Variants in ASTN1 observed in about 807,000 individuals in gnomAD.
ASTN1 encodes astrotactin-1.
In ASTN1, 41 loss-of-function variants were observed where a neutral mutation model predicts 140.7. The observed-to-expected ratio is 0.29, with a 90% CI of 0.23 to 0.38. ASTN1 has a LOEUF of 0.38. ASTN1 is among the 10% of genes least tolerant of loss of function. The pLI, the probability that ASTN1 is intolerant of heterozygous loss-of-function variation, is 1.00. For missense variants in ASTN1, 1,479 were observed against 1,678.8 expected (o/e 0.88, Z 2.08); for synonymous variants, 640 against 652.2 (o/e 0.98, Z 0.29).
intron 7 of ASTN1, among the ~76,000 whole-genome samples, chr1:177,015,404 C>T (rs943661042): frequency 2.0e-5 from 3 of 152,216 alleles, no homozygotes; most frequent in African/African-American, 7.2e-5. Flanking sequence ...GAGCCTATGT[C>T]TGTCTGACTC....
rs1668011733 is a variant in ASTN1 at position 176,862,852 on chromosome 1, G to C, written c.*1432C>G. On this transcript the variant is annotated 3_prime_UTR_variant, in exon 23 of 23. Transcript: ENST00000361833. ...ACTATTTAGAAAAAAAACCAATATA[G>C]CTCAATGACTAGCCTTATAGGTCTT... 1.0e-6 allele frequency: 1 copy of C among 985,430 alleles called. No individual in the cohort carries two copies. The allele number at this position is 985,430 out of a possible 1,614,324, so 61.0% of individuals were successfully genotyped here. A position where few individuals can be genotyped will look rare whatever the true frequency, so the allele number is the denominator to read the frequency against.
At chr1:176,909,796 A>G (rs1377694531) in intron 16 of ASTN1, among the ~76,000 whole-genome samples, 1 of 152,172 alleles carries the variant, frequency 6.6e-6, no homozygotes, top group Non-Finnish European at 1.5e-5. Context: ...CCTCCTAGGT[A>G]TCAGTAAGAC....
chr1:176,862,628 A>G lies in ASTN1; in HGVS notation c.*1656T>C. Reference sequence around the variant, plus strand: ...GACCAACAGCCTGAAATCACACTGAAACTCAGTGTGAGTTACAGTGCACAA... The same window carrying G: ...GACCAACAGCCTGAAATCACACTGAGACTCAGTGTGAGTTACAGTGCACAA... On this transcript the variant is annotated 3_prime_UTR_variant, in exon 23 of 23. Coordinates refer to ENST00000361833, the MANE Select transcript of ASTN1 (RefSeq NM_004319.3). 1.0e-6 allele frequency: 1 copy of G among 961,140 alleles called. No individual in the cohort carries two copies. The highest frequency in any genetic ancestry group is 4.8e-5 in the South Asian group (1 of 20,820). 59.5% of individuals were successfully genotyped at this position (961,140 alleles called of 1,614,324 possible). A position where few individuals can be genotyped will look rare whatever the true frequency, so the allele number is the denominator to read the frequency against.
chr1:177,130,423 T>C (rs1273839728), intron 1 of ASTN1, among the ~76,000 whole-genome samples: 1 of 152,148 alleles, frequency 6.6e-6, no homozygotes, highest in African/African-American at 2.4e-5. Context: ...GATGACTCTA[T>C]GGTATGAGAG....
At chr1:177,141,148 G>A (rs1373679470) in intron 1 of ASTN1, among the ~76,000 whole-genome samples, 3 of 152,130 alleles carry the variant, frequency 2.0e-5, no homozygotes, top group South Asian at 2.1e-4. Context: ...CCTGGAAGGC[G>A]GAGGTTGCAG....
chr1:177,004,486 A>G (rs1482864783), intron 8 of ASTN1, among the ~76,000 whole-genome samples: 18 of 151,976 alleles, frequency 1.2e-4, no homozygotes, highest in Admixed American at 6.6e-4. Context: ...ATTCATATGG[A>G]ACAACAACAA....
At chr1:177,025,460 T>C (rs546943740) in intron 5 of ASTN1, among the ~76,000 whole-genome samples, 140 of 152,132 alleles carry the variant, frequency 9.2e-4, no homozygotes, top group Non-Finnish European at 1.9e-3. Context: ...TTTTTTTAAT[T>C]TTTTGTTTCT....
chr1:177,124,445 A>T (rs1263413710), intron 1 of ASTN1, among the ~76,000 whole-genome samples: 2 of 152,126 alleles, frequency 1.3e-5, no homozygotes, highest in Non-Finnish European at 2.9e-5. Context: ...ACCAGGAGGG[A>T]TGAGATAAAG....
At chr1:177,160,132 C>T (rs1647271827) in intron 1 of ASTN1, among the ~76,000 whole-genome samples, 1 of 152,086 alleles carries the variant, frequency 6.6e-6, no homozygotes, top group Non-Finnish European at 1.5e-5. Flanking sequence ...ATTTTGAAAA[C>T]TTTTAAGGCA....
chr1:177,078,133 G>A (rs1233800700), intron 1 of ASTN1, among the ~76,000 whole-genome samples: 3 of 152,110 alleles, frequency 2.0e-5, no homozygotes, highest in African/African-American at 4.8e-5. Context: ...CACCAGGTAC[G>A]ATGGTAGGGA....
intron 9 of ASTN1, among the ~76,000 whole-genome samples, chr1:176,963,868 T>C (rs1304940029): frequency 6.6e-6 from 1 of 152,238 alleles, no homozygotes; most frequent in African/African-American, 2.4e-5. Flanking sequence ...CATGTCACAG[T>C]CCAAGGAATG....
At chr1:177,005,551 A>G (rs1240995810) in intron 8 of ASTN1, among the ~76,000 whole-genome samples, 1 of 152,220 alleles carries the variant, frequency 6.6e-6, no homozygotes, top group Non-Finnish European at 1.5e-5. Flanking sequence ...CACAATTCAC[A>G]ATTGCAAAGA....
At chr1:176,890,169 C>G (rs765296677) in intron 17 of ASTN1, among the ~76,000 whole-genome samples, 1 of 152,130 alleles carries the variant, frequency 6.6e-6, no homozygotes, top group African/African-American at 2.4e-5. Flanking sequence ...AACAAACTAG[C>G]AAAGTTACAA....
intron 19 of ASTN1, 65 bp downstream of exon 19, chr1:176,884,274 A>T: frequency 6.4e-7 from 1 of 1,556,636 alleles, no homozygotes; most frequent in Non-Finnish European, 8.8e-7. Context: ...GAGGCAGGGC[A>T]TTTTTCTTTG....
intron 1 of ASTN1, among the ~76,000 whole-genome samples, chr1:177,160,647 C>A (rs1168674014): frequency 1.3e-5 from 2 of 152,150 alleles, no homozygotes; most frequent in Non-Finnish European, 1.5e-5. Context: ...ATCTCCAAAT[C>A]AAATATGCTC....
At chr1:177,067,008 T>A (rs1312664358) in intron 1 of ASTN1, among the ~76,000 whole-genome samples, 2 of 152,136 alleles carry the variant, frequency 1.3e-5, no homozygotes, top group East Asian at 1.9e-4. Flanking sequence ...CACTCCCTGA[T>A]GGCTATGACT....
chr1:176,862,630 C>T lies in ASTN1; in HGVS notation c.*1654G>A. ...CCAACAGCCTGAAATCACACTGAAA[C>T]TCAGTGTGAGTTACAGTGCACAAGG... On this transcript the variant is annotated 3_prime_UTR_variant, in exon 23 of 23. Transcript: ENST00000361833. 2 of 960,838 alleles carry T rather than the reference C, an allele frequency of 2.1e-6. No homozygotes were observed. The highest frequency in any genetic ancestry group is 1.2e-4 in the East Asian group (1 of 8,670). The allele number at this position is 960,838 out of a possible 1,614,324, so 59.5% of individuals were successfully genotyped here.
chr1:177,127,967 G>A (rs1050278011), intron 1 of ASTN1, among the ~76,000 whole-genome samples: 5 of 151,940 alleles, frequency 3.3e-5, no homozygotes, highest in Admixed American at 1.3e-4. Flanking sequence ...AACTTACAAT[G>A]CCCTAGTGAA....
intron 1 of ASTN1, among the ~76,000 whole-genome samples, chr1:177,138,694 C>A (rs1288769838): frequency 6.6e-6 from 1 of 152,176 alleles, no homozygotes; most frequent in Non-Finnish European, 1.5e-5. Flanking sequence ...CCAAGCTGAG[C>A]TTCCTTAGAA....
Sources: allele counts gnomAD v4.1 joint callset (sites outside exome capture counted in the v4.1 genomes callset), GRCh38; gene constraint gnomAD v4.1.1; transcripts MANE v1.5; gene names NCBI Gene and HGNC (gene_info 2026-07-23, HGNC 2026-07-21).